LARP1: variants seen among roughly 807,000 people sequenced by gnomAD.
LARP1 encodes the protein la-related protein 1.
LARP1 carries 36 observed loss-of-function variants against 122.7 expected under a neutral mutation model. The observed-to-expected ratio is 0.29, with a 90% CI of 0.22 to 0.39. The LOEUF (loss-of-function observed/expected upper bound fraction) is 0.39. Among genes scored for constraint, LARP1 ranks in the 10% least tolerant of loss-of-function variants. The pLI, the probability that LARP1 is intolerant of heterozygous loss-of-function variation, is 1.00. For missense variants in LARP1, 1,040 were observed against 1,403.6 expected (o/e 0.74, Z 4.14); for synonymous variants, 539 against 528.7 (o/e 1.02, Z -0.27).
At chr5:154,754,921 G>T (rs1467346048), upstream of LARP1, among the ~76,000 whole-genome samples, 1 of 152,204 alleles carries the variant, frequency 6.6e-6, no homozygotes, top group Non-Finnish European at 1.5e-5. Context: ...TCCTTCCCCT[G>T]AATCTGACAC....
chr5:154,791,804 G>GT (rs1757375613), intron 3 of LARP1: 2 of 323,372 alleles, frequency 6.2e-6, no homozygotes, highest in East Asian at 7.6e-5. Context: ...TCTGCATTCG[G>GT]TTTTTTAAAG....
At chr5:154,683,317 C>G (rs904794999) in intron 1 of LARP1, among the ~76,000 whole-genome samples, 1 of 152,222 alleles carries the variant, frequency 6.6e-6, no homozygotes, top group Non-Finnish European at 1.5e-5. Flanking sequence ...CTGGCCGGCA[C>G]CTGATATTTA....
chr5:154,694,022 C>T (rs1411936007), intron 1 of LARP1, among the ~76,000 whole-genome samples: 1 of 151,962 alleles, frequency 6.6e-6, no homozygotes, highest in African/African-American at 2.4e-5. Flanking sequence ...TAGAGGAACA[C>T]GTTAAACAAC....
At chr5:154,751,871 A>G (rs1223676345), upstream of LARP1, among the ~76,000 whole-genome samples, 1 of 152,200 alleles carries the variant, frequency 6.6e-6, no homozygotes, top group Non-Finnish European at 1.5e-5. Flanking sequence ...ATGCACTGGG[A>G]TAAGGGAGGA....
chr5:154,780,460 T>C (rs953219698), intron 1 of LARP1, among the ~76,000 whole-genome samples: 2 of 152,142 alleles, frequency 1.3e-5, no homozygotes, highest in South Asian at 4.1e-4. Context: ...TGTGAGTGGA[T>C]ATAGTTGGGC....
intron 1 of LARP1, among the ~76,000 whole-genome samples, chr5:154,730,535 C>T (rs1050278391): frequency 6.6e-6 from 1 of 151,576 alleles, no homozygotes; most frequent in African/African-American, 2.4e-5. Flanking sequence ...TGCAATGGCG[C>T]AATCTCGGCT....
intron 1 of LARP1, among the ~76,000 whole-genome samples, chr5:154,688,023 C>T (rs1409025328): frequency 6.6e-6 from 1 of 152,166 alleles, no homozygotes; most frequent in South Asian, 2.1e-4. Context: ...CTGTGCCTCC[C>T]TTTCTGAGTA....
Position 154,747,238 on chromosome 5 carries a change from G to A in LARP1, c.205+34108G>A, listed in dbSNP as rs546326797. On this transcript the variant is annotated intron_variant, in intron 1 of 18. Transcript: ENST00000336314. ...GGAGAATCATTTGAACACGGGAGAC[G>A]GAGGTTGCAGTGAGTTGACATGGTG... Among the ~76,000 whole-genome samples the A allele has an allele frequency of 4.0e-5, 6 of 151,854 alleles. No homozygotes were observed. The East Asian group carries it at 7.8e-4, about 20-fold the overall frequency.
intron 14 of LARP1, 32 bp from the exon 15 acceptor site, chr5:154,805,849 C>A (rs780720431): frequency 6.2e-7 from 1 of 1,605,508 alleles, no homozygotes; most frequent in South Asian, 1.1e-5. Flanking sequence ...CTGTGGGGAA[C>A]CTGGTGACAG....
At chr5:154,732,589 C>T (rs1756653675) in intron 1 of LARP1, among the ~76,000 whole-genome samples, 1 of 152,166 alleles carries the variant, frequency 6.6e-6, no homozygotes, top group South Asian at 2.1e-4. Context: ...TTGGTCTTTC[C>T]TGGACAGATT....
At chr5:154,804,178 A>G (rs757371773) in intron 13 of LARP1, 23 bp from the exon 14 acceptor site, 1 of 1,591,348 alleles carries the variant, frequency 6.3e-7, no homozygotes, top group Non-Finnish European at 8.6e-7. Context: ...AAACAGTAAC[A>G]AACCCTGGGC....
intron 1 of LARP1, among the ~76,000 whole-genome samples, chr5:154,759,951 GT>G (rs543142946): frequency 1.9e-5 from 2 of 107,264 alleles, no homozygotes; most frequent in East Asian, 5.7e-4. Context: ...TTGTTTGTTT[GT>G]TTTTTTGGAG....
chr5:154,804,372 TTGAC>T, intron 14 of LARP1, 65 bp downstream of exon 14: 1 of 1,166,992 alleles, frequency 8.6e-7, no homozygotes, highest in Non-Finnish European at 1.3e-6. Flanking sequence ...AGCCATGAAA[TTGAC>T]TGGACCAAGA....
chr5:154,693,494 A>T (rs1006107025), intron 1 of LARP1, among the ~76,000 whole-genome samples: 1 of 152,206 alleles, frequency 6.6e-6, no homozygotes, highest in African/African-American at 2.4e-5. Context: ...TACATAGCTT[A>T]AAGTGGGATG....
chr5:154,733,845 G>A (rs1186852773), intron 1 of LARP1, among the ~76,000 whole-genome samples: 3 of 152,086 alleles, frequency 2.0e-5, no homozygotes, highest in East Asian at 3.9e-4. Flanking sequence ...TTACAGATGT[G>A]AGCCACCGTG....
At chr5:154,685,543 A>G (rs1437007408) in intron 1 of LARP1, among the ~76,000 whole-genome samples, 5 of 152,192 alleles carry the variant, frequency 3.3e-5, no homozygotes, top group Non-Finnish European at 7.3e-5. Flanking sequence ...AGTGGGGAGC[A>G]GGGAACATCT....
intron 8 of LARP1, among the ~76,000 whole-genome samples, chr5:154,795,823 TTA>T (rs371297123): frequency 0.1 from 13,574 of 134,266 alleles, 908 homozygotes; most frequent in South Asian, 0.22. Context: ...ATATATATAT[TTA>T]TATATATATT....
At chr5:154,696,045 C>T (rs887822182) in intron 1 of LARP1, among the ~76,000 whole-genome samples, 2 of 152,000 alleles carry the variant, frequency 1.3e-5, no homozygotes. Flanking sequence ...GTGTCCAGTA[C>T]ATAATAAATA....
rs759947747 is a variant in LARP1 at position 154,814,899 on chromosome 5, CAA to C, written c.*818_*819del. On this transcript the variant is annotated 3_prime_UTR_variant, in exon 19 of 19. Transcript: ENST00000518297. ...AAAGACAAAATCGACCATAAAAGAC[CAA>C]AAAAAAAAAAAAAATCAGAAAACCC... The C allele has an allele frequency of 1.7e-4, 21 of 123,422 alleles. No individual in the cohort carries two copies. Among genetic ancestry groups the C allele is most frequent in the Admixed American group, 2.4e-4 (3 of 12,356 alleles). 7.6% of individuals were successfully genotyped at this position (123,422 alleles called of 1,614,324 possible). A position where few individuals can be genotyped will look rare whatever the true frequency, so the allele number is the denominator to read the frequency against.
Sources: gnomAD v4.1 joint callset for allele counts (sites outside exome capture counted in the v4.1 genomes callset) on GRCh38, gnomAD v4.1.1 for gene constraint, MANE v1.5 for transcripts, NCBI Gene and HGNC (gene_info 2026-07-23, HGNC 2026-07-21) for gene names.